Variants in TAP1 observed in about 807,000 individuals in gnomAD.
TAP1 encodes the protein transporter 1, ATP binding cassette subfamily B member, also known as antigen peptide transporter 1.
Under a neutral mutation model 79.3 loss-of-function variants are expected in TAP1, and 56 were observed. The ratio of observed to expected loss-of-function variants is 0.71; its 90% confidence interval spans 0.57 to 0.88. TAP1 has a LOEUF of 0.88. Ranked by LOEUF, TAP1 falls within the 40% of genes least tolerant of loss-of-function variation. The pLI, the probability that TAP1 is intolerant of heterozygous loss-of-function variation, is 0.00. For synonymous variants in TAP1, 355 were observed against 401.4 expected (o/e 0.88, Z 1.38); for missense variants, 737 against 936.3 (o/e 0.79, Z 2.78).
chr6:32,850,256 G>A lies in TAP1; in HGVS notation c.1248+64C>T, dbSNP rs994976761. The A allele has an allele frequency of 5.8e-6, 9 of 1,545,748 alleles. No homozygotes were observed. In the African/African-American group the frequency reaches 1.1e-4, roughly 19 times the overall value. On this transcript the variant is annotated intron_variant, in intron 5 of 10. Coordinates refer to ENST00000354258, the MANE Select transcript of TAP1 (RefSeq NM_000593.6). The surrounding 1 kb of genome is among the most constrained non-coding windows in gnomAD (Gnocchi z 5.5). ...AGGAGGAGTGGGAGCAGGGTCATAG[G>A]AATGGGAATGGAGTCACGGCATCTT...
Position 32,852,953 on chromosome 6 carries a change from C to A in TAP1, c.598+86G>T. 6.6e-7 allele frequency: 1 copy of A among 1,519,022 alleles called. No individual in the cohort carries two copies. The highest frequency in any genetic ancestry group is 1.2e-5 in the South Asian group (1 of 82,452). The allele number at this position is 1,519,022 out of a possible 1,614,324, so 94.1% of individuals were successfully genotyped here. ...CTCCTGCTCCACATTTCCCAGAACC[C>A]ACGCTACTCTACCTTACTGACAATT... is the stretch of plus-strand genomic sequence containing the variant. On this transcript the variant is annotated intron_variant, in intron 1 of 10. Transcript: ENST00000354258. The surrounding 1 kb of genome is among the most constrained non-coding windows in gnomAD (Gnocchi z 4.8).
chr6:32,847,594 T>C lies in TAP1; in HGVS notation c.1822A>G (p.Thr608Ala). The C allele has an allele frequency of 1.2e-6, 2 of 1,614,112 alleles. No homozygotes were observed. The highest frequency in any genetic ancestry group is 1.7e-6 in the Non-Finnish European group (2 of 1,180,030). The change falls in exon 9 of 11, where the codon ACT becomes GCT. Residue 608 changes from threonine to alanine, a missense_variant. By Grantham distance (58) the Thr-to-Ala change is moderately conservative. This residue lies in a region of TAP1 where 266 missense variants were observed against 332.4 expected (regional missense o/e 0.80). Coordinates refer to ENST00000354258, the MANE Select transcript of TAP1 (RefSeq NM_000593.6). This position sits in a 1 kb window ranked among gnomAD's most constrained non-coding sequence, Gnocchi z 4.7. ...GCAGCAGCTGTGATTTCCTCCATAG[T>C]TGGCTTCTGGGTCAGGCCATAGGCA... ...NIAYGLTQKP[T>A]MEEITAAAVK...
rs530160235 is a variant in TAP1 at position 32,853,297 on chromosome 6, G to T, written c.340C>A (p.Arg114=). 18 of 1,582,074 alleles carry T rather than the reference G, an allele frequency of 1.1e-5. No homozygotes were observed. In the East Asian group the frequency reaches 4.1e-4, roughly 36 times the overall value. ...GLALPGLALF[R]ELISWGAPGS... ...GGGGCTCCCCATGAGATCAGCTCTC[G>T]GAACAAGGCAAGTCCCGGCAGGGCC... Residue 114 remains arginine, a synonymous_variant, in exon 1 of 11, where the codon CGA becomes AGA. Coordinates refer to ENST00000354258, the MANE Select transcript of TAP1 (RefSeq NM_000593.6). The surrounding 1 kb of genome is among the most constrained non-coding windows in gnomAD (Gnocchi z 8.3).
At chr6:32,848,577 T>A (rs1229341797) in intron 7 of TAP1, 75 bp downstream of exon 7, 6 of 1,510,860 alleles carry the variant, frequency 4.0e-6, no homozygotes, top group Non-Finnish European at 5.5e-6. Context: ...GTAAGCAGGC[T>A]GAAGGCAGGA....
In TAP1 at chr6:32,853,687, C is replaced by T; in HGVS notation, c.-51G>A. ...CGGCCGGGCCTGGGACTCTCCGCGC[C>T]CCGGTGGGGCCTGAAGCTCCGGGTA... On this transcript the variant is annotated 5_prime_UTR_variant, in exon 1 of 11. Coordinates refer to ENST00000354258, the MANE Select transcript of TAP1 (RefSeq NM_000593.6). The surrounding 1 kb of genome is among the most constrained non-coding windows in gnomAD (Gnocchi z 8.3). 1 of 1,575,088 alleles carries T rather than the reference C, an allele frequency of 6.3e-7. No homozygotes were observed. The highest frequency in any genetic ancestry group is 8.6e-7 in the Non-Finnish European group (1 of 1,163,326).
Position 32,852,191 on chromosome 6 carries a change from G to A in TAP1, c.762C>T (p.Gly254=), listed in dbSNP as rs41549617. 0.031 allele frequency: 49,770 copies of A among 1,612,982 alleles called. 946 individuals carry two copies. Among genetic ancestry groups the A allele is most frequent in the South Asian group, 0.062 (5,626 of 91,076 alleles). The change falls in exon 3 of 11, where the codon GGC becomes GGT. Residue 254 remains glycine, a synonymous_variant. Transcript: ENST00000354258. The surrounding 1 kb of genome is among the most constrained non-coding windows in gnomAD (Gnocchi z 4.8). ...VGDGIYNNTM[G]HVHSHLQGEV... ...CTCCCTGCAAGTGGCTGTGCACGTG[G>A]CCCATGGTGTTGTTATAGATCCCGT...
chr6:32,846,567 C>T (rs1770419750), intron 10 of TAP1: 1 of 266,136 alleles, frequency 3.8e-6, no homozygotes, highest in Non-Finnish European at 7.4e-6. Flanking sequence ...CACCTATAAC[C>T]CCAGCCCTTT....
In TAP1 at chr6:32,853,279, C is replaced by T; in HGVS notation, c.358G>A (p.Gly120Arg). ...LALFRELISW[G>R]APGSADSTRL... ...GTGCTATCCGCGGACCCGGGGGCTC[C>T]CCATGAGATCAGCTCTCGGAACAAG... Residue 120 changes from glycine to arginine, a missense_variant, in exon 1 of 11, where the codon GGA becomes AGA. Around this residue, in one of 5 missense-constraint regions of TAP1, gnomAD observed 406 missense variants for 477.2 expected, o/e 0.85. Transcript: ENST00000354258. The surrounding 1 kb of genome is among the most constrained non-coding windows in gnomAD (Gnocchi z 8.3). 1.3e-6 allele frequency: 2 copies of T among 1,585,884 alleles called. No homozygotes were observed. Among genetic ancestry groups the T allele is most frequent in the South Asian group, 2.3e-5 (2 of 88,200 alleles).
Position 32,853,646 on chromosome 6 carries a change from G to A in TAP1, c.-10C>T. ...ACCTAGAGCTAGCCATTGGCACTCG[G>A]ACGCCGTCCCGGTCCCGGCCGGGCC... On this transcript the variant is annotated 5_prime_UTR_variant, in exon 1 of 11. Coordinates refer to ENST00000354258, the MANE Select transcript of TAP1 (RefSeq NM_000593.6). The surrounding 1 kb of genome is among the most constrained non-coding windows in gnomAD (Gnocchi z 8.3). 1 of 1,608,320 alleles carries A rather than the reference G, an allele frequency of 6.2e-7. No homozygotes were observed. Among genetic ancestry groups the A allele is most frequent in the South Asian group, 1.1e-5 (1 of 90,850 alleles).
chr6:32,849,046 T>G lies in TAP1; in HGVS notation c.1321A>C (p.Ser441Arg). 1 of 1,605,686 alleles carries G rather than the reference T, an allele frequency of 6.2e-7. No homozygotes were observed. Among genetic ancestry groups the G allele is most frequent in the African/African-American group, 1.3e-5 (1 of 74,986 alleles). Residue 441 changes from serine (S) to arginine (R), a missense_variant, in exon 6 of 11, where the codon AGT becomes CGT. Physicochemically the swap from Ser to Arg is moderately radical, Grantham distance 110. Coordinates refer to ENST00000354258, the MANE Select transcript of TAP1 (RefSeq NM_000593.6). Reference protein sequence around the residue: ...GQLVTSGAVSSGNLVTFVLYQ... With the variant: ...GQLVTSGAVSRGNLVTFVLYQ... ...AGAACAAATGTGACAAGGTTCCCAC[T>G]GCTTACAGCCCCACTGGTCACCAGC...
At chr6:32,848,938 G>A in intron 6 of TAP1, 52 bp downstream of exon 6, 1 of 1,612,678 alleles carries the variant, frequency 6.2e-7, no homozygotes, top group Non-Finnish European at 8.5e-7. Context: ...CACAGATGGT[G>A]CTGGGCCAGA....
At chr6:32,849,291 G>T (rs1310278163) in intron 5 of TAP1, 173 bp from the exon 6 acceptor site, 1 of 722,428 alleles carries the variant, frequency 1.4e-6, no homozygotes, top group Non-Finnish European at 2.4e-6. Flanking sequence ...CTGACTCAAT[G>T]CACATCATGC....
chr6:32,849,557 C>T (rs920483704), intron 5 of TAP1: 48 of 205,866 alleles, frequency 2.3e-4, no homozygotes, highest in African/African-American at 7.7e-4. Context: ...CTGGCTAACA[C>T]GGAGAAACCT....
At chr6:32,849,986 G>A in intron 5 of TAP1, 1 of 445,144 alleles carries the variant, frequency 2.2e-6, no homozygotes, top group Non-Finnish European at 4.2e-6. Context: ...CAAGGTACCA[G>A]CATGAAGCAG....
At position 32,847,359 on chromosome 6, in the gene TAP1, C is replaced by T; in HGVS notation, c.1903+154G>A. On this transcript the variant is annotated intron_variant, in intron 9 of 10. Transcript: ENST00000354258. The surrounding 1 kb of genome is among the most constrained non-coding windows in gnomAD (Gnocchi z 4.7). ...AGATTCTGGGAAGATGAACAGAATC[C>T]TGAGGATGTCAGGATGAAGAAGCCA... 6.7e-7 allele frequency: 1 copy of T among 1,490,474 alleles called. No individual in the cohort carries two copies. Among genetic ancestry groups the T allele is most frequent in the Non-Finnish European group, 9.3e-7 (1 of 1,080,202 alleles). The allele number at this position is 1,490,474 out of a possible 1,614,324, so 92.3% of individuals were successfully genotyped here. A position where few individuals can be genotyped will look rare whatever the true frequency, so the allele number is the denominator to read the frequency against.
Position 32,852,254 on chromosome 6 carries a change from GA to G in TAP1, c.714-16del, listed in dbSNP as rs939050181. Reference sequence around the variant, plus strand: ...CCAGCACTGCACTATAAAGAACCCGGAAAAAAAGGGGATCAGGGTGTGTTCA... The same window carrying G: ...CCAGCACTGCACTATAAAGAACCCGGAAAAAAGGGGATCAGGGTGTGTTCA... On this transcript the variant is annotated splice_polypyrimidine_tract_variant and intron_variant, in intron 2 of 10. Transcript: ENST00000354258. This position sits in a 1 kb window ranked among gnomAD's most constrained non-coding sequence, Gnocchi z 4.8. The G allele has an allele frequency of 1.2e-5, 20 of 1,611,966 alleles. No homozygotes were observed. The highest frequency in any genetic ancestry group is 3.3e-5 in the South Asian group (3 of 90,914).
intron 5 of TAP1, chr6:32,849,994 C>A: frequency 2.2e-6 from 1 of 462,272 alleles, no homozygotes; most frequent in Non-Finnish European, 4.0e-6. Flanking sequence ...CAGCATGAAG[C>A]AGTCCCAGGT....
In TAP1 at chr6:32,853,650, C is replaced by T. The variant is rs1301891735; in HGVS notation, c.-14G>A. Reference sequence around the variant, plus strand: ...AGAGCTAGCCATTGGCACTCGGACGCCGTCCCGGTCCCGGCCGGGCCTGGG... The same window carrying T: ...AGAGCTAGCCATTGGCACTCGGACGTCGTCCCGGTCCCGGCCGGGCCTGGG... On this transcript the variant is annotated 5_prime_UTR_variant, in exon 1 of 11. Transcript: ENST00000354258. This position sits in a 1 kb window ranked among gnomAD's most constrained non-coding sequence, Gnocchi z 8.3. 6 of 1,606,254 alleles carry T rather than the reference C, an allele frequency of 3.7e-6. No homozygotes were observed. Among genetic ancestry groups the T allele is most frequent in the Non-Finnish European group, 5.1e-6 (6 of 1,177,740 alleles).
In TAP1 at chr6:32,850,295, T is replaced by A. The variant is rs776818838; in HGVS notation, c.1248+25A>T. On this transcript the variant is annotated intron_variant, in intron 5 of 10. Transcript: ENST00000354258. The surrounding 1 kb of genome is among the most constrained non-coding windows in gnomAD (Gnocchi z 5.5). Reference sequence around the variant, plus strand: ...TCACGGCATCTTAAGGACAAGGGAATGGGTATTCATCTTCAGGTGCTCACA... The same window carrying A: ...TCACGGCATCTTAAGGACAAGGGAAAGGGTATTCATCTTCAGGTGCTCACA... 3.1e-6 allele frequency: 5 copies of A among 1,610,202 alleles called. No individual in the cohort carries two copies. Among genetic ancestry groups the A allele is most frequent in the East Asian group, 2.2e-5 (1 of 44,862 alleles).
Sources: gnomAD v4.1 joint callset for allele counts on GRCh38, gnomAD v4.1.1 for gene constraint, gnomAD v4.1.1 regional missense constraint, Gnocchi (gnomAD v3.1) non-coding constraint, MANE v1.5 for transcripts, NCBI Gene and HGNC (gene_info 2026-07-23, HGNC 2026-07-21) for gene names.